The following ST13 variants were observed in gnomAD, a reference collection of about 807,000 sequenced individuals.
ST13 encodes the protein hsc70-interacting protein.
ST13 carries 23 observed loss-of-function variants against 56.7 expected under a neutral mutation model. The observed-to-expected ratio is 0.41, with a 90% confidence interval of 0.29 to 0.57. The LOEUF (loss-of-function observed/expected upper bound fraction) is 0.57, where lower values mean the gene tolerates loss of function less well. Ranked by LOEUF, ST13 falls within the 20% of genes least tolerant of loss-of-function variation. The pLI, the probability that ST13 is intolerant of heterozygous loss-of-function variation, is 0.36. For missense variants in ST13, 369 were observed against 459.9 expected (o/e 0.80, Z 1.81); for synonymous variants, 132 against 142.4 (o/e 0.93, Z 0.52).
intron 9 of ST13, among the ~76,000 whole-genome samples, chr22:40,830,320 A>C (rs796980231): frequency 9.2e-5 from 14 of 152,292 alleles, no homozygotes; most frequent in African/African-American, 3.4e-4. Context: ...TCATTCAATA[A>C]TGTTAGAAAT....
intron 8 of ST13, among the ~76,000 whole-genome samples, chr22:40,831,467 A>T (rs2057753648): frequency 6.6e-6 from 1 of 152,236 alleles, no homozygotes; most frequent in Admixed American, 6.5e-5. Flanking sequence ...AGAGGGAAAA[A>T]TGTAAATATG....
intron 5 of ST13, among the ~76,000 whole-genome samples, chr22:40,837,963 G>T (rs943395048): frequency 2.0e-5 from 3 of 152,108 alleles, no homozygotes; most frequent in African/African-American, 7.2e-5. Context: ...CCGAAAAACT[G>T]AATTCCCATT....
chr22:40,854,223 T>A (rs2057876654), intron 1 of ST13, among the ~76,000 whole-genome samples: 1 of 152,042 alleles, frequency 6.6e-6, no homozygotes, highest in African/African-American at 2.4e-5. Flanking sequence ...TCTGCCACAA[T>A]CTCGAACTGC....
intron 7 of ST13, chr22:40,835,295 A>T (rs911086106): frequency 7.7e-6 from 2 of 259,984 alleles, no homozygotes; most frequent in African/African-American, 4.5e-5. Context: ...AAAAACTGGT[A>T]AGAGTAGCTT....
chr22:40,833,212 C>T lies in ST13; in HGVS notation c.579-541G>A, dbSNP rs578116361. Among the ~76,000 whole-genome samples the T allele has an allele frequency of 3.3e-5, 5 of 152,174 alleles. No individual in the cohort carries two copies. The South Asian group carries it at 1.0e-3, about 32-fold the overall frequency. On this transcript the variant is annotated intron_variant, in intron 7 of 11. Transcript: ENST00000216218. ...TTCGAACATTTAAATGCTTTACATA[C>T]TCAAAAAATAAAATCAGAAAAATGG...
intron 1 of ST13, among the ~76,000 whole-genome samples, chr22:40,853,780 G>T (rs1407491321): frequency 5.3e-5 from 8 of 152,136 alleles, no homozygotes. Context: ...ACTGTACTAG[G>T]GAGTAGAAAA....
chr22:40,851,748 C>CT (rs768642763), intron 1 of ST13, among the ~76,000 whole-genome samples: 9,891 of 141,562 alleles, frequency 0.07, 378 homozygotes, highest in Non-Finnish European at 0.1. Flanking sequence ...AGAAAGGGTT[C>CT]TTTTTTTTTT....
rs1050681440 is a variant in ST13 at position 40,856,484 on chromosome 22, A to T, written c.57T>A (p.Asp19Glu). Residue 19 changes from aspartate to glutamate, a missense_variant, in exon 1 of 12, where the codon GAT (aspartate) becomes GAA (glutamate). Physicochemically the swap from Asp to Glu is conservative, Grantham distance 45. Transcript: ENST00000216218. ...TTTCCTCGGTGTGCAGAACGCTCGG[A>T]TCCTGCTTACACATTTTCACAAAGG... ...LRAFVKMCKQ[D>E]PSVLHTEEMR... 1 of 1,613,374 alleles carries T rather than the reference A, an allele frequency of 6.2e-7. No homozygotes were observed. The highest frequency in any genetic ancestry group is 1.3e-5 in the African/African-American group (1 of 74,868).
intron 1 of ST13, among the ~76,000 whole-genome samples, chr22:40,852,542 T>C (rs775801446): frequency 6.6e-6 from 1 of 152,168 alleles, no homozygotes; most frequent in Non-Finnish European, 1.5e-5. Context: ...AAGTAGCAGA[T>C]GGAATGAAAA....
chr22:40,856,591 C>A lies in ST13; in HGVS notation c.-51G>T. 6.6e-7 allele frequency: 1 copy of A among 1,515,044 alleles called. No homozygotes were observed. The highest frequency in any genetic ancestry group is 9.1e-7 in the Non-Finnish European group (1 of 1,093,290). The allele number at this position is 1,515,044 out of a possible 1,614,324, so 93.9% of individuals were successfully genotyped here. On this transcript the variant is annotated 5_prime_UTR_variant, in exon 1 of 12. Transcript: ENST00000216218. ...GGGGGGCTACGGCCCGGTTCCAGGC[C>A]CAGGCGCTGGCTCGGCGTGACCGCG...
At chr22:40,856,285 C>T (rs1005085765) in intron 1 of ST13, 146 bp downstream of exon 1, 19 of 701,782 alleles carry the variant, frequency 2.7e-5, no homozygotes, top group Admixed American at 4.8e-5. Context: ...CGCGATCTTC[C>T]ATGACCCCTC....
intron 3 of ST13, among the ~76,000 whole-genome samples, chr22:40,847,005 C>A (rs1476793063): frequency 6.6e-6 from 1 of 151,614 alleles, no homozygotes; most frequent in African/African-American, 2.4e-5. Context: ...TCCAAAAAAA[C>A]CCCAAAAAAA....
chr22:40,845,947 GTTTT>G (rs1465788362), intron 3 of ST13, among the ~76,000 whole-genome samples: 3 of 151,962 alleles, frequency 2.0e-5, no homozygotes, highest in African/African-American at 7.3e-5. Flanking sequence ...CAGGCATATC[GTTTT>G]TTGAGACGGA....
intron 10 of ST13, among the ~76,000 whole-genome samples, chr22:40,828,092 C>T (rs2145730723): frequency 6.6e-6 from 1 of 152,198 alleles, no homozygotes. Flanking sequence ...TTTTCATTTC[C>T]ATTTCAAATA....
rs562416697 is a variant in ST13, at chr22:40,831,725, C to A, written c.682-769G>T. ...AGTAAATTCTTGACAGCTGAACTTC[C>A]CACAAAATGAAGGATTTACCATGTA... is the stretch of plus-strand genomic sequence containing the variant. On this transcript the variant is annotated intron_variant, in intron 8 of 11. Transcript: ENST00000216218. Among the ~76,000 whole-genome samples, 3 of 152,162 alleles carry A rather than the reference C, an allele frequency of 2.0e-5. No individual in the cohort carries two copies. In the South Asian group the frequency reaches 6.2e-4, roughly 32 times the overall value.
intron 8 of ST13, among the ~76,000 whole-genome samples, chr22:40,831,349 G>A (rs2057753095): frequency 6.6e-6 from 1 of 152,204 alleles, no homozygotes; most frequent in South Asian, 2.1e-4. Flanking sequence ...GGAAGGCAGA[G>A]ACTGGGAACT....
chr22:40,831,065 GAC>G, intron 8 of ST13, 109 bp from the exon 9 acceptor site: 1 of 750,286 alleles, frequency 1.3e-6, no homozygotes, highest in East Asian at 2.6e-5. Context: ...TCAGAAAAAT[GAC>G]AGATTTGTCT....
At chr22:40,840,381 C>A (rs1294441608) in intron 5 of ST13, among the ~76,000 whole-genome samples, 1 of 147,990 alleles carries the variant, frequency 6.8e-6, no homozygotes, top group Non-Finnish European at 1.5e-5. Flanking sequence ...AAAGCCTCTT[C>A]TCAGCAGAAA....
intron 3 of ST13, among the ~76,000 whole-genome samples, chr22:40,847,556 G>GAAAAAAAAAAAA (rs1177807946): frequency 1.2e-5 from 1 of 83,986 alleles, no homozygotes; most frequent in Admixed American, 1.4e-4. Flanking sequence ...CTCAAAAAAA[G>GAAAAAAAAAAAA]AAAAAAAAAA....
Sources: allele counts gnomAD v4.1 joint callset (sites outside exome capture counted in the v4.1 genomes callset), GRCh38; gene constraint gnomAD v4.1.1; transcripts MANE v1.5; gene names NCBI Gene and HGNC (gene_info 2026-07-23, HGNC 2026-07-21).